Variants in LEKR1 observed in about 807,000 individuals in gnomAD.
LEKR1 encodes protein LEKR1.
A neutral mutation model predicts 72.4 loss-of-function variants in LEKR1; 59 were observed. The ratio of observed to expected loss-of-function variants is 0.82; its 90% confidence interval spans 0.66 to 1.01. The LOEUF is 1.01. Among genes scored for constraint, LEKR1 ranks in the 50% least tolerant of loss-of-function variants. LEKR1 has a pLI of 0.00. For missense variants in LEKR1, 728 were observed against 759.2 expected (o/e 0.96, Z 0.48); for synonymous variants, 257 against 263.2 (o/e 0.98, Z 0.23).
intron 3 of LEKR1, among the ~76,000 whole-genome samples, chr3:156,861,804 C>A (rs1307486929): frequency 6.6e-6 from 1 of 152,018 alleles, no homozygotes; most frequent in African/African-American, 2.4e-5. Flanking sequence ...CTTTGAGGAA[C>A]CTAAACAAGC....
At chr3:156,899,355 T>TATAC (rs1560063446) in intron 3 of LEKR1, among the ~76,000 whole-genome samples, 2 of 130,930 alleles carry the variant, frequency 1.5e-5, no homozygotes, top group South Asian at 4.7e-4. Flanking sequence ...TATATACATG[T>TATAC]ATATATACAT....
chr3:156,960,486 A>G (rs532017534), intron 6 of LEKR1, among the ~76,000 whole-genome samples: 7 of 152,124 alleles, frequency 4.6e-5, no homozygotes, highest in African/African-American at 1.4e-4. Flanking sequence ...GGGTTTCACC[A>G]TGTTGGCCAG....
intron 2 of LEKR1, among the ~76,000 whole-genome samples, chr3:156,844,775 AG>A (rs1714371377): frequency 6.6e-6 from 1 of 152,044 alleles, no homozygotes; most frequent in Admixed American, 6.6e-5. Flanking sequence ...AAGGGAATCT[AG>A]GTTTTTTTCC....
intron 9 of LEKR1, among the ~76,000 whole-genome samples, chr3:156,996,207 T>C (rs1414228288): frequency 5.9e-5 from 9 of 152,028 alleles, no homozygotes; most frequent in African/African-American, 2.2e-4. Context: ...ATTGTGATAA[T>C]GGATATGAAG....
At chr3:156,989,590 C>A (rs1223642402) in intron 7 of LEKR1, among the ~76,000 whole-genome samples, 2 of 152,064 alleles carry the variant, frequency 1.3e-5, no homozygotes, top group African/African-American at 4.8e-5. Context: ...CTCACCTGAG[C>A]CTTTGCCCAT....
intron 7 of LEKR1, among the ~76,000 whole-genome samples, chr3:156,990,705 G>C (rs1731084111): frequency 6.6e-6 from 1 of 152,074 alleles, no homozygotes; most frequent in South Asian, 2.1e-4. Context: ...ATTGTTCTAG[G>C]TTTAGTAAGT....
In LEKR1 at chr3:157,012,981, T is replaced by C. The variant is rs1733015592; in HGVS notation, c.1203+1475T>C. 2.0e-5 allele frequency among the ~76,000 whole-genome samples: 3 copies of C among 152,088 alleles called. No individual in the cohort carries two copies. In the South Asian group the frequency reaches 6.2e-4, roughly 32 times the overall value. On this transcript the variant is annotated intron_variant, in intron 10 of 12. Transcript: ENST00000356539. Reference sequence around the variant, plus strand: ...TTCATATTAGAGCAATGAAAGATTGTTTATCCATCCAACTGATGGAACAGT... The same window carrying C: ...TTCATATTAGAGCAATGAAAGATTGCTTATCCATCCAACTGATGGAACAGT...
chr3:156,866,146 G>A (rs534812332), intron 3 of LEKR1, among the ~76,000 whole-genome samples: 2 of 152,134 alleles, frequency 1.3e-5, no homozygotes, highest in South Asian at 2.1e-4. Context: ...TATGAAAAAC[G>A]TATGCTTGCT....
chr3:156,876,277 T>C (rs1718567213), intron 3 of LEKR1, among the ~76,000 whole-genome samples: 1 of 152,196 alleles, frequency 6.6e-6, no homozygotes, highest in South Asian at 2.1e-4. Context: ...TGTCTTCACA[T>C]TTTTTCTTTT....
chr3:156,850,590 A>T (rs1470570030), intron 2 of LEKR1, among the ~76,000 whole-genome samples: 1 of 152,148 alleles, frequency 6.6e-6, no homozygotes, highest in Non-Finnish European at 1.5e-5. Flanking sequence ...AATTTTAGTT[A>T]TGTTAGTTAC....
At chr3:157,007,045 CA>C (rs565112043) in intron 9 of LEKR1, among the ~76,000 whole-genome samples, 9 of 151,508 alleles carry the variant, frequency 5.9e-5, no homozygotes, top group East Asian at 1.9e-4. Flanking sequence ...TAAAAAAATA[CA>C]AAAAAAATAG....
At chr3:156,836,223 T>C (rs1029167704) in intron 2 of LEKR1, among the ~76,000 whole-genome samples, 2 of 152,062 alleles carry the variant, frequency 1.3e-5, no homozygotes, top group African/African-American at 4.8e-5. Flanking sequence ...TCGGATAATG[T>C]AATGCAAAAC....
chr3:156,957,763 T>TTTTATTTA (rs1275937495), intron 6 of LEKR1, among the ~76,000 whole-genome samples: 1 of 151,916 alleles, frequency 6.6e-6, no homozygotes, highest in Non-Finnish European at 1.5e-5. Context: ...AAAGAGCTAT[T>TTTTATTTA]TTTATTTATT....
intron 3 of LEKR1, among the ~76,000 whole-genome samples, chr3:156,881,224 A>G (rs1719295191): frequency 6.6e-6 from 1 of 152,168 alleles, no homozygotes; most frequent in Non-Finnish European, 1.5e-5. Context: ...CTGTTTGCAG[A>G]TGACATGATT....
At chr3:156,948,312 G>A (rs1403550087) in intron 6 of LEKR1, among the ~76,000 whole-genome samples, 1 of 150,946 alleles carries the variant, frequency 6.6e-6, no homozygotes, top group Non-Finnish European at 1.5e-5. Context: ...TTTGTTGATA[G>A]AGTAGACAAA....
chr3:156,953,702 TC>T (rs1727375402), intron 6 of LEKR1, among the ~76,000 whole-genome samples: 1 of 152,018 alleles, frequency 6.6e-6, no homozygotes, highest in Non-Finnish European at 1.5e-5. Context: ...ATGATCTCAT[TC>T]CTTTTTATGG....
At chr3:156,913,156 T>C (rs1030234213) in intron 3 of LEKR1, among the ~76,000 whole-genome samples, 5 of 152,240 alleles carry the variant, frequency 3.3e-5, no homozygotes, top group African/African-American at 1.2e-4. Flanking sequence ...AGCTTTTTTC[T>C]ATTTCTGTGA....
intron 2 of LEKR1, chr3:156,852,097 A>G (rs1305532515): frequency 6.6e-6 from 1 of 152,254 alleles, no homozygotes; most frequent in Non-Finnish European, 1.5e-5. Flanking sequence ...GGTTTTAAAT[A>G]GACCTGAGTT....
intron 3 of LEKR1, among the ~76,000 whole-genome samples, chr3:156,903,695 C>T (rs1327522929): frequency 6.6e-6 from 1 of 152,180 alleles, no homozygotes; most frequent in Non-Finnish European, 1.5e-5. Context: ...TCTAGAGGGT[C>T]AACTTTATTC....
Sources: gnomAD v4.1 joint callset for allele counts (sites outside exome capture counted in the v4.1 genomes callset) on GRCh38, gnomAD v4.1.1 for gene constraint, MANE v1.5 for transcripts, NCBI Gene and HGNC (gene_info 2026-07-23, HGNC 2026-07-21) for gene names.